Variants in SUSD1 observed in about 807,000 individuals in gnomAD.
SUSD1 encodes the protein sushi domain-containing protein 1.
In SUSD1, 65 loss-of-function variants were observed where a neutral mutation model predicts 86.9. The observed-to-expected ratio is 0.75, with a 90% CI of 0.61 to 0.92. The LOEUF is 0.92. SUSD1 is among the 40% of genes least tolerant of loss of function. SUSD1 has a pLI of 0.00. For missense variants in SUSD1, 850 were observed against 929.7 expected (o/e 0.91, Z 1.11); for synonymous variants, 346 against 350.0 (o/e 0.99, Z 0.13).
chr9:112,156,867 T>C (rs1833351510), intron 2 of SUSD1, among the ~76,000 whole-genome samples: 1 of 152,214 alleles, frequency 6.6e-6, no homozygotes, highest in Admixed American at 6.5e-5. Context: ...ACATTTACTA[T>C]TGTAAAATTG....
intron 13 of SUSD1, among the ~76,000 whole-genome samples, chr9:112,061,711 A>C (rs10981242): frequency 0.11 from 16,241 of 152,242 alleles, 2,450 homozygotes; most frequent in African/African-American, 0.34. Context: ...CATTTACTGA[A>C]CTTAAATGAA....
At chr9:112,051,797 C>G (rs1382694058) in intron 15 of SUSD1, among the ~76,000 whole-genome samples, 1 of 152,128 alleles carries the variant, frequency 6.6e-6, no homozygotes, top group Admixed American at 6.5e-5. Flanking sequence ...TTTTCGGCAT[C>G]TTTTCCTGTG....
chr9:112,146,574 C>T (rs1173215640), intron 3 of SUSD1, among the ~76,000 whole-genome samples: 1 of 151,942 alleles, frequency 6.6e-6, no homozygotes, highest in Non-Finnish European at 1.5e-5. Context: ...TTCCCCTCTT[C>T]TTCCCTCCTC....
chr9:112,160,335 G>A (rs1475887688), intron 1 of SUSD1, among the ~76,000 whole-genome samples: 1 of 152,038 alleles, frequency 6.6e-6, no homozygotes, highest in Admixed American at 6.6e-5. Context: ...CTTGAGGTCA[G>A]GAGTTCAAGA....
chr9:112,086,252 A>G (rs2131577329), intron 10 of SUSD1, among the ~76,000 whole-genome samples: 1 of 151,874 alleles, frequency 6.6e-6, no homozygotes, highest in South Asian at 2.1e-4. Context: ...CAGGAGGTCA[A>G]AGCTGCAGTG....
At chr9:112,061,839 C>G (rs1053775905) in intron 13 of SUSD1, among the ~76,000 whole-genome samples, 1 of 150,780 alleles carries the variant, frequency 6.6e-6, no homozygotes, top group Non-Finnish European at 1.5e-5. Context: ...TTGATTTTAC[C>G]GAAGGGTCAG....
intron 14 of SUSD1, among the ~76,000 whole-genome samples, chr9:112,056,277 AAGAC>A (rs1228535085): frequency 1.3e-5 from 2 of 152,132 alleles, no homozygotes; most frequent in East Asian, 1.9e-4. Flanking sequence ...AAAAAAAAAA[AAGAC>A]AGAAAGTAGA....
Position 112,094,238 on chromosome 9 carries a change from A to G in SUSD1, c.1474+4232T>C, listed in dbSNP as rs529259648. ...GCAATGGTGGGAGGTTTTAAAGAGC[A>G]TTTTGGGGAGCTAGATATTAGTAGA... is the stretch of plus-strand genomic sequence containing the variant. On this transcript the variant is annotated intron_variant, in intron 10 of 16. Coordinates refer to ENST00000374270, the MANE Select transcript of SUSD1 (RefSeq NM_022486.5). 9.5e-4 allele frequency among the ~76,000 whole-genome samples: 145 copies of G among 152,350 alleles called. 1 individual carries two copies. The highest frequency in any genetic ancestry group is 3.4e-3 in the Middle Eastern group (1 of 294).
rs1827709393 is a variant in SUSD1, at chr9:112,040,961, G to A, written c.*531C>T. The A allele has an allele frequency of 6.2e-6, 1 of 162,584 alleles. No homozygotes were observed. The highest frequency in any genetic ancestry group is 2.4e-5 in the African/African-American group (1 of 41,716). The allele number at this position is 162,584 out of a possible 1,614,324, so 10.1% of individuals were successfully genotyped here. A position where few individuals can be genotyped will look rare whatever the true frequency, so the allele number is the denominator to read the frequency against. On this transcript the variant is annotated 3_prime_UTR_variant, in exon 17 of 17. Transcript: ENST00000374270. Reference sequence around the variant, plus strand: ...TTATAGGAAAAGTACTGTTTCTAAAGTGCTTGAAACATTTGCCTACGTCAC... The same window carrying A: ...TTATAGGAAAAGTACTGTTTCTAAAATGCTTGAAACATTTGCCTACGTCAC...
intron 14 of SUSD1, among the ~76,000 whole-genome samples, chr9:112,053,518 A>G (rs1828315848): frequency 1.3e-5 from 2 of 151,214 alleles, no homozygotes. Context: ...CGTCTCAAAA[A>G]AAAAAAAAAA....
chr9:112,098,719 C>T, intron 9 of SUSD1, 57 bp from the exon 10 acceptor site: 4 of 1,522,696 alleles, frequency 2.6e-6, no homozygotes, highest in Non-Finnish European at 2.7e-6. Flanking sequence ...TAACAGGTGC[C>T]TAGACTATTA....
intron 15 of SUSD1, among the ~76,000 whole-genome samples, chr9:112,051,263 C>T (rs1275363620): frequency 1.3e-5 from 2 of 152,176 alleles, no homozygotes. Flanking sequence ...TGGACTTGAC[C>T]AAGAGGAAGA....
intron 15 of SUSD1, among the ~76,000 whole-genome samples, chr9:112,049,156 C>T (rs770097313): frequency 1.3e-5 from 2 of 152,148 alleles, no homozygotes; most frequent in Non-Finnish European, 2.9e-5. Context: ...AAGGCCTATG[C>T]TCAGGGAGTG....
chr9:112,095,875 C>T lies in SUSD1; in HGVS notation c.1474+2595G>A, dbSNP rs559333506. Reference sequence around the variant, plus strand: ...ACTCTTTCACTAAACAGATAAAGATCTTCAGCAATGGTGAAGCTTGGGTAG... The same window carrying T: ...ACTCTTTCACTAAACAGATAAAGATTTTCAGCAATGGTGAAGCTTGGGTAG... On this transcript the variant is annotated intron_variant, in intron 10 of 16. Coordinates refer to ENST00000374270, the MANE Select transcript of SUSD1 (RefSeq NM_022486.5). Among the ~76,000 whole-genome samples the T allele has an allele frequency of 5.3e-5, 8 of 152,278 alleles. No individual in the cohort carries two copies. The East Asian group carries it at 1.5e-3, about 29-fold the overall frequency.
chr9:112,165,027 G>A (rs1833720848), intron 1 of SUSD1, among the ~76,000 whole-genome samples: 1 of 152,228 alleles, frequency 6.6e-6, no homozygotes, highest in South Asian at 2.1e-4. Flanking sequence ...CAATTCAGTT[G>A]GTCTGGGGAG....
chr9:112,160,847 A>C (rs1212161240), intron 1 of SUSD1, among the ~76,000 whole-genome samples: 4 of 152,338 alleles, frequency 2.6e-5, no homozygotes, highest in African/African-American at 9.6e-5. Context: ...AATACCTGCA[A>C]GGAGTAGTTA....
Position 112,053,966 on chromosome 9 carries a change from T to C in SUSD1, c.2110-1528A>G, listed in dbSNP as rs377652039. 2.0e-5 allele frequency among the ~76,000 whole-genome samples: 3 copies of C among 152,320 alleles called. No individual in the cohort carries two copies. In the East Asian group the frequency reaches 5.8e-4, roughly 29 times the overall value. On this transcript the variant is annotated intron_variant, in intron 14 of 16. Coordinates refer to ENST00000374270, the MANE Select transcript of SUSD1 (RefSeq NM_022486.5). ...CAGAATTAAGTTGGTAGAATTGACA[T>C]GATTTGCTGATGATCTGGATAAGAA...
intron 8 of SUSD1, among the ~76,000 whole-genome samples, chr9:112,108,821 AAAAG>A (rs1369451816): frequency 4.8e-5 from 7 of 146,992 alleles, no homozygotes; most frequent in Non-Finnish European, 1.1e-4. Context: ...AAGAAAAAAA[AAAAG>A]AGAGAGAGAA....
At chr9:112,050,268 G>C (rs1017326691) in intron 15 of SUSD1, among the ~76,000 whole-genome samples, 2 of 152,272 alleles carry the variant, frequency 1.3e-5, no homozygotes, top group African/African-American at 2.4e-5. Context: ...ACCCATCTTT[G>C]TCAAGAGGGG....
Sources: allele counts gnomAD v4.1 joint callset (sites outside exome capture counted in the v4.1 genomes callset), GRCh38; gene constraint gnomAD v4.1.1; transcripts MANE v1.5; gene names NCBI Gene and HGNC (gene_info 2026-07-23, HGNC 2026-07-21).